The following THSD4 variants were observed in gnomAD, a reference collection of about 807,000 sequenced individuals.
THSD4 encodes thrombospondin type 1 domain containing 4, also known as thrombospondin type-1 domain-containing protein 4.
In THSD4, 69 loss-of-function variants were observed where a neutral mutation model predicts 119.0. The ratio of observed to expected loss-of-function variants is 0.58; its 90% CI spans 0.48 to 0.71. The LOEUF (loss-of-function observed/expected upper bound fraction) is 0.71, where lower values mean the gene tolerates loss of function less well. Ranked by LOEUF, THSD4 falls within the 30% of genes least tolerant of loss-of-function variation. The pLI is 0.00. For missense variants in THSD4, 1,393 were observed against 1,391.1 expected, an observed-to-expected ratio of 1.00 and a Z score of -0.02; for synonymous variants, 524 against 540.4, an observed-to-expected ratio of 0.97 and a Z score of 0.42.
At chr15:71,546,255 G>T (rs2048835639) in intron 7 of THSD4, among the ~76,000 whole-genome samples, 1 of 152,040 alleles carries the variant, frequency 6.6e-6, no homozygotes, top group South Asian at 2.1e-4. Context: ...TGTTTCCACT[G>T]CACCGTGCAG....
intron 15 of THSD4, among the ~76,000 whole-genome samples, chr15:71,764,031 C>T (rs1441737153): frequency 6.6e-6 from 1 of 151,892 alleles, no homozygotes; most frequent in African/African-American, 2.4e-5. Flanking sequence ...CACTCCGCTG[C>T]ACTCCAGCCT....
intron 6 of THSD4, among the ~76,000 whole-genome samples, chr15:71,343,241 T>G (rs1407634213): frequency 6.6e-6 from 1 of 152,140 alleles, no homozygotes; most frequent in African/African-American, 2.4e-5. Context: ...GGTAGATAGA[T>G]GGATATATTA....
chr15:71,390,970 C>T (rs939432508), intron 6 of THSD4, among the ~76,000 whole-genome samples: 2 of 149,084 alleles, frequency 1.3e-5, no homozygotes, highest in Admixed American at 6.8e-5. Context: ...AAGGGATCCT[C>T]CCATCTCAGC....
chr15:71,170,440 G>A (rs1483559385), intron 3 of THSD4, among the ~76,000 whole-genome samples: 2 of 152,198 alleles, frequency 1.3e-5, no homozygotes, highest in Non-Finnish European at 2.9e-5. Flanking sequence ...TAATCCAGGA[G>A]GCATTGAATA....
intron 8 of THSD4, among the ~76,000 whole-genome samples, chr15:71,692,501 A>G (rs563270213): frequency 6.6e-6 from 1 of 152,116 alleles, no homozygotes; most frequent in South Asian, 2.1e-4. Context: ...ACCGAGTTGG[A>G]AGATTTAGCT....
chr15:71,392,413 G>A (rs1299042250), intron 6 of THSD4, among the ~76,000 whole-genome samples: 7 of 152,174 alleles, frequency 4.6e-5, no homozygotes, highest in Non-Finnish European at 7.4e-5. Context: ...AGAAAAGCAA[G>A]GTTCATAGAC....
intron 8 of THSD4, among the ~76,000 whole-genome samples, chr15:71,661,397 A>T (rs944279325): frequency 9.8e-4 from 110 of 112,372 alleles, no homozygotes; most frequent in Non-Finnish European, 1.6e-3. Flanking sequence ...TTATTTATTT[A>T]TTTATTTTTT....
rs146834253 is a variant in THSD4, at chr15:71,413,753, C to A, written c.1152+1930C>A. ...GAATTAGGATGCGGTACAGAAGAGG[C>A]AGGAAACATCATGGGAAACATCATA... On this transcript the variant is annotated intron_variant, in intron 7 of 17. Transcript: ENST00000261862. 3.9e-5 allele frequency among the ~76,000 whole-genome samples: 6 copies of A among 152,320 alleles called. No individual in the cohort carries two copies. The East Asian group carries it at 1.2e-3, about 29-fold the overall frequency.
chr15:71,544,628 C>T (rs907922971), intron 7 of THSD4, among the ~76,000 whole-genome samples: 1 of 152,092 alleles, frequency 6.6e-6, no homozygotes, highest in Admixed American at 6.5e-5. Flanking sequence ...ATAGAATTAC[C>T]GTATGATTCA....
chr15:71,172,651 G>T (rs1871505166), intron 3 of THSD4, among the ~76,000 whole-genome samples: 1 of 100,092 alleles, frequency 1.0e-5, no homozygotes, highest in Admixed American at 1.3e-4. Flanking sequence ...ATAGATAATG[G>T]AACAGAATAC....
In THSD4 at chr15:71,563,306, T is replaced by C. The variant is rs2049161337; in HGVS notation, c.1153-97224T>C. Among the ~76,000 whole-genome samples, 3 of 152,116 alleles carry C rather than the reference T, an allele frequency of 2.0e-5. No homozygotes were observed. In the South Asian group the frequency reaches 6.2e-4, roughly 32 times the overall value. ...GGAGGACCCACTAGCAAAACCACTC[T>C]GGAAATCTCGGATAGTAAAGACTCT... On this transcript the variant is annotated intron_variant, in intron 7 of 17. Transcript: ENST00000261862.
At chr15:71,589,117 C>T (rs1030636732) in intron 7 of THSD4, among the ~76,000 whole-genome samples, 1 of 152,166 alleles carries the variant, frequency 6.6e-6, no homozygotes, top group Non-Finnish European at 1.5e-5. Context: ...CATGCATTCA[C>T]TCAGCAATTT....
chr15:71,554,414 A>T (rs1409662430), intron 7 of THSD4, among the ~76,000 whole-genome samples: 5 of 150,818 alleles, frequency 3.3e-5, no homozygotes, highest in African/African-American at 1.2e-4. Flanking sequence ...TTGAGACAAG[A>T]TCTCACTCTG....
At chr15:71,602,711 G>T (rs998241292) in intron 7 of THSD4, among the ~76,000 whole-genome samples, 1 of 152,196 alleles carries the variant, frequency 6.6e-6, no homozygotes, top group African/African-American at 2.4e-5. Flanking sequence ...GCTGCCAGGG[G>T]CTGGGAGTAG....
intron 10 of THSD4, among the ~76,000 whole-genome samples, chr15:71,734,180 T>C (rs375495177): frequency 2.0e-5 from 3 of 152,168 alleles, no homozygotes; most frequent in African/African-American, 7.2e-5. Flanking sequence ...AAATGAGACA[T>C]ACTTGAACAA....
intron 8 of THSD4, among the ~76,000 whole-genome samples, chr15:71,718,342 A>G (rs1195003451): frequency 1.3e-5 from 2 of 152,162 alleles, no homozygotes; most frequent in Non-Finnish European, 2.9e-5. Flanking sequence ...AAGGGCAGAC[A>G]TAGTCCTTCC....
intron 7 of THSD4, among the ~76,000 whole-genome samples, chr15:71,557,092 C>A (rs1306146481): frequency 1.3e-5 from 2 of 152,146 alleles, no homozygotes; most frequent in African/African-American, 4.8e-5. Context: ...TGACATTCTG[C>A]CATTGAAAAT....
chr15:71,352,581 T>C (rs913317758), intron 6 of THSD4, among the ~76,000 whole-genome samples: 1 of 152,226 alleles, frequency 6.6e-6, no homozygotes, highest in African/African-American at 2.4e-5. Flanking sequence ...TTAGAAAGGA[T>C]TGGCTGATAT....
At chr15:71,509,462 T>C (rs563258875) in intron 7 of THSD4, among the ~76,000 whole-genome samples, 7 of 152,360 alleles carry the variant, frequency 4.6e-5, no homozygotes, top group African/African-American at 1.2e-4. Flanking sequence ...ATTAACTCAT[T>C]AGCTTGTAAG....
Sources: gnomAD v4.1 joint callset for allele counts (sites outside exome capture counted in the v4.1 genomes callset) on GRCh38, gnomAD v4.1.1 for gene constraint, MANE v1.5 for transcripts, NCBI Gene and HGNC (gene_info 2026-07-23, HGNC 2026-07-21) for gene names.